Variants in NXF3 observed in about 807,000 individuals in gnomAD.
NXF3 encodes the protein TAP-like protein 3.
Under a neutral mutation model 48.4 loss-of-function variants are expected in NXF3, and 34 were observed. That is an observed-to-expected ratio of 0.70 (90% CI 0.53 to 0.93). The LOEUF (loss-of-function observed/expected upper bound fraction) is 0.93. NXF3 is among the 40% of genes least tolerant of loss of function. The pLI is 0.00. For synonymous variants in NXF3, 132 were observed against 145.7 expected (o/e 0.91, Z 0.68); for missense variants, 359 against 406.1 (o/e 0.88, Z 1.00).
intron 3 of NXF3, 143 bp downstream of exon 3, chrX:103,084,199 G>A (rs1306918879): frequency 1.5e-6 from 1 of 662,614 alleles, no homozygotes; most frequent in Non-Finnish European, 2.3e-6. Flanking sequence ...CTCTTAAGAT[G>A]ATCTAGGATG....
rs1298682266 is a variant in NXF3 at position 103,079,577 on chromosome X, C to T, written c.1219+7G>A. 8.3e-7 allele frequency: 1 copy of T among 1,206,800 alleles called. No homozygotes were observed. Among genetic ancestry groups the T allele is most frequent in the African/African-American group, 1.7e-5 (1 of 57,177 alleles). On this transcript the variant is annotated splice_region_variant and intron_variant, in intron 14 of 19. Transcript: ENST00000395065. ...ACCCTGCCCAGACTTCTCCATCACA[C>T]ACTTACAGGGGTCCTTGAGAATTTT...
At chrX:103,077,272 A>G (rs1921892943) in intron 18 of NXF3, among the ~76,000 whole-genome samples, 1 of 78,852 alleles carries the variant, frequency 1.3e-5, no homozygotes, top group African/African-American at 5.4e-5. Context: ...TTTTTCCGAG[A>G]CGGAGTCTTG....
intron 1 of NXF3, among the ~76,000 whole-genome samples, chrX:103,091,620 A>T (rs1922276824): frequency 9.1e-6 from 1 of 110,360 alleles, no homozygotes; most frequent in Admixed American, 9.7e-5. Flanking sequence ...ACCAAGGGAC[A>T]ACTGTACTTA....
rs1173755946 is a variant in NXF3, at chrX:103,083,243, G to A, written c.571C>T (p.Pro191Ser). The A allele has an allele frequency of 9.1e-6, 11 of 1,208,957 alleles. No individual in the cohort carries two copies. The Admixed American group carries it at 2.4e-4, about 27-fold the overall frequency. The change falls in exon 6 of 20, where the codon CCC (proline) becomes TCC (serine). Residue 191 changes from proline to serine, a missense_variant. Coordinates refer to ENST00000395065, the MANE Select transcript of NXF3 (RefSeq NM_022052.2). The part of the protein sequence containing the change: ...ISIFVNPAGI[P>S]HFVHRELKSE... ...TTCAGCTCCCTGTGCACAAAGTGGG[G>A]TATGCCAGCAGGGTTGACAAAGATT...
chrX:103,082,055 C>T (rs1007247510), intron 9 of NXF3, 200 bp downstream of exon 9: 13 of 429,757 alleles, frequency 3.0e-5, no homozygotes, highest in African/African-American at 9.9e-5. Context: ...CATCCCAGAG[C>T]GGGTGAAAAG....
rs1324346957 is a variant in NXF3 at position 103,082,176 on chromosome X, CT to C, written c.890+78del. 3 of 636,321 alleles carry C rather than the reference CT, an allele frequency of 4.7e-6. No homozygotes were observed. The East Asian group carries it at 9.7e-5, about 21-fold the overall frequency. 52.4% of individuals were successfully genotyped at this position (636,321 alleles called of 1,213,427 possible). A position where few individuals can be genotyped will look rare whatever the true frequency, so the allele number is the denominator to read the frequency against. On this transcript the variant is annotated intron_variant, in intron 9 of 19. Transcript: ENST00000395065. Reference sequence around the variant, plus strand: ...GAGGGTCTGTGGTCCTCCCAGAAGACTAGTGCTGCCTCCTCCTGCAGAAGGG... The same window carrying C: ...GAGGGTCTGTGGTCCTCCCAGAAGACAGTGCTGCCTCCTCCTGCAGAAGGG...
chrX:103,078,556 T>G lies in NXF3; in HGVS notation c.1451+4A>C, dbSNP rs1447607479. ...GGTGCTCCCACCCACAACACAGCAC[T>G]AACCTGGAACTGCTGCCAGGGGTAG... On this transcript the variant is annotated splice_donor_region_variant and intron_variant, in intron 17 of 19. Coordinates refer to ENST00000395065, the MANE Select transcript of NXF3 (RefSeq NM_022052.2). 8.3e-7 allele frequency: 1 copy of G among 1,212,045 alleles called. No individual in the cohort carries two copies. Among genetic ancestry groups the G allele is most frequent in the South Asian group, 1.8e-5 (1 of 57,002 alleles).
At chrX:103,089,618 T>C (rs1243554400) in intron 1 of NXF3, among the ~76,000 whole-genome samples, 1 of 112,325 alleles carries the variant, frequency 8.9e-6, no homozygotes, top group Non-Finnish European at 1.9e-5. Context: ...CCTTAAGACA[T>C]GCCATCTCTT....
Position 103,083,049 on chromosome X carries a change from C to T in NXF3, c.646G>A (p.Val216Ile). 1 of 1,211,364 alleles carries T rather than the reference C, an allele frequency of 8.3e-7. No individual in the cohort carries two copies. Among genetic ancestry groups the T allele is most frequent in the South Asian group, 1.8e-5 (1 of 56,922 alleles). Residue 216 changes from valine (V) to isoleucine (I), a missense_variant, in exon 7 of 20, where the codon GTC (valine) becomes ATC (isoleucine). Transcript: ENST00000395065. ...IKLAMNQQCD[V>I]SQEALDIQRL... ...TGGATATCAAGAGCTTCCTGGGAGA[C>T]ATCACACTGTTGGTTCATGGCCAGC... is the stretch of plus-strand genomic sequence containing the variant.
At chrX:103,079,663 G>A (rs759519030) in intron 13 of NXF3, 21 bp from the exon 14 acceptor site, 2 of 1,201,555 alleles carry the variant, frequency 1.7e-6, no homozygotes, top group African/African-American at 3.5e-5. Flanking sequence ...AAGAGGAGCA[G>A]GAGTGGGTGG....
At chrX:103,090,917 T>C in intron 1 of NXF3, among the ~76,000 whole-genome samples, 1 of 112,028 alleles carries the variant, frequency 8.9e-6, no homozygotes, top group East Asian at 2.8e-4. Context: ...GTTCTTCCAG[T>C]GCAGGCAAGA....
intron 17 of NXF3, among the ~76,000 whole-genome samples, chrX:103,078,106 A>G (rs536445020): frequency 1.8e-4 from 20 of 111,921 alleles, no homozygotes; most frequent in African/African-American, 6.2e-4. Context: ...GCATCAGGAA[A>G]GAACTCATAC....
At position 103,093,128 on chromosome X, in the gene NXF3, C is replaced by T. The variant is rs925783346; in HGVS notation, c.-105G>A. On this transcript the variant is annotated 5_prime_UTR_variant, in exon 1 of 20. Coordinates refer to ENST00000395065, the MANE Select transcript of NXF3 (RefSeq NM_022052.2). Reference sequence around the variant, plus strand: ...GCTGCTGACGAAGGCGAGAGCAAGCCTCAAGCCTTGCTTACAGGAAGTTCC... The same window carrying T: ...GCTGCTGACGAAGGCGAGAGCAAGCTTCAAGCCTTGCTTACAGGAAGTTCC... The T allele has an allele frequency of 9.1e-6, 7 of 767,066 alleles. No individual in the cohort carries two copies. The highest frequency in any genetic ancestry group is 7.0e-5 in the South Asian group (3 of 42,685). The allele number at this position is 767,066 out of a possible 1,213,427, so 63.2% of individuals were successfully genotyped here.
chrX:103,082,472 C>A, intron 8 of NXF3, 108 bp from the exon 9 acceptor site: 1 of 535,380 alleles, frequency 1.9e-6, no homozygotes. Flanking sequence ...CCTCTTGTCA[C>A]TACCCTAATG....
intron 1 of NXF3, chrX:103,087,444 T>C: frequency 1.8e-6 from 2 of 1,105,653 alleles, no homozygotes. Context: ...CTTTTAAATG[T>C]AGTGTTTGTC....
rs373009401 is a variant in NXF3, at chrX:103,082,010, G to A, written c.890+245C>T. The A allele has an allele frequency of 2.1e-3, 806 of 381,709 alleles. 4 individuals are homozygous for A. Among genetic ancestry groups the A allele is most frequent in the African/African-American group, 0.019 (750 of 39,448 alleles). 31.5% of individuals were successfully genotyped at this position (381,709 alleles called of 1,213,427 possible). ...CCTGGAGCACACTCACAGAGGGCAC[G>A]CTAGAGGAGGCTGGGTGGAGACAGG... On this transcript the variant is annotated intron_variant, in intron 9 of 19. Coordinates refer to ENST00000395065, the MANE Select transcript of NXF3 (RefSeq NM_022052.2).
At chrX:103,084,258 A>G in intron 3 of NXF3, 84 bp downstream of exon 3, 1 of 1,081,191 alleles carries the variant, frequency 9.2e-7, no homozygotes, top group Non-Finnish European at 1.3e-6. Flanking sequence ...TGCCCTTACA[A>G]AAGTATCTAG....
intron 14 of NXF3, 44 bp from the exon 15 acceptor site, chrX:103,079,518 C>T (rs753776016): frequency 1.7e-6 from 2 of 1,187,327 alleles, no homozygotes; most frequent in South Asian, 3.6e-5. Context: ...GCTGCCACAC[C>T]CCAGTTGTGT....
Position 103,075,924 on chromosome X carries a change from G to A in NXF3, c.*126C>T. 4.3e-6 allele frequency: 1 copy of A among 234,852 alleles called. No homozygotes were observed. The highest frequency in any genetic ancestry group is 7.7e-6 in the Non-Finnish European group (1 of 129,806). The allele number at this position is 234,852 out of a possible 1,213,427, so 19.4% of individuals were successfully genotyped here. A position where few individuals can be genotyped will look rare whatever the true frequency, so the allele number is the denominator to read the frequency against. Reference sequence around the variant, plus strand: ...GAACAACTGGCCCCTTTGGAAGGATGAGAGTCAGCCCTGTGAGTTGGGCTT... The same window carrying A: ...GAACAACTGGCCCCTTTGGAAGGATAAGAGTCAGCCCTGTGAGTTGGGCTT... On this transcript the variant is annotated 3_prime_UTR_variant, in exon 20 of 20. Coordinates refer to ENST00000395065, the MANE Select transcript of NXF3 (RefSeq NM_022052.2).
Sources: allele counts gnomAD v4.1 joint callset (sites outside exome capture counted in the v4.1 genomes callset), GRCh38; gene constraint gnomAD v4.1.1; transcripts MANE v1.5; gene names NCBI Gene and HGNC (gene_info 2026-07-23, HGNC 2026-07-21).